SLC39A11: variants seen among roughly 807,000 people sequenced by gnomAD.
SLC39A11 encodes the protein solute carrier family 39 member 11, also known as zinc transporter ZIP11.
Under a neutral mutation model 36.1 loss-of-function variants are expected in SLC39A11, and 33 were observed. The ratio of observed to expected loss-of-function variants is 0.91; its 90% confidence interval spans 0.69 to 1.22. The LOEUF (loss-of-function observed/expected upper bound fraction) is 1.22, where lower values mean the gene tolerates loss of function less well. Among genes scored for constraint, SLC39A11 ranks in the 50% most tolerant of loss-of-function variants. The pLI is 0.00. For synonymous variants in SLC39A11, 166 were observed against 170.3 expected, an observed-to-expected ratio of 0.97 and a Z score of 0.20; for missense variants, 432 against 430.3, an observed-to-expected ratio of 1.00 and a Z score of -0.03.
intron 5 of SLC39A11, among the ~76,000 whole-genome samples, chr17:72,889,098 C>T (rs746900704): frequency 5.3e-5 from 8 of 151,958 alleles, no homozygotes; most frequent in African/African-American, 9.7e-5. Flanking sequence ...AAGGGAGGTT[C>T]GATCAATGTG....
intron 5 of SLC39A11, among the ~76,000 whole-genome samples, chr17:72,924,244 A>G (rs2083897031): frequency 6.6e-6 from 1 of 151,194 alleles, no homozygotes; most frequent in South Asian, 2.1e-4. Flanking sequence ...AAAGTCTCTA[A>G]AGGAATTAAG....
chr17:72,791,722 TC>T (rs2076711033), intron 6 of SLC39A11, among the ~76,000 whole-genome samples: 1 of 152,052 alleles, frequency 6.6e-6, no homozygotes, highest in Non-Finnish European at 1.5e-5. Context: ...ATGGAGACAG[TC>T]CCCCCATGCT....
At chr17:73,067,836 T>C (rs2144425573) in intron 3 of SLC39A11, 5 of 1,577,850 alleles carry the variant, frequency 3.2e-6, no homozygotes, top group Non-Finnish European at 4.4e-6. Context: ...TGAAAATCCA[T>C]TTAATGTAGC....
chr17:72,748,150 C>T (rs955178584), intron 6 of SLC39A11, among the ~76,000 whole-genome samples: 7 of 152,080 alleles, frequency 4.6e-5, no homozygotes, highest in African/African-American at 2.4e-5. Flanking sequence ...GGGAAAACCC[C>T]GTCTCTCCTA....
chr17:72,859,587 T>G (rs1035633169), intron 5 of SLC39A11, among the ~76,000 whole-genome samples: 2 of 150,324 alleles, frequency 1.3e-5, no homozygotes, highest in African/African-American at 4.9e-5. Flanking sequence ...TTCTATGGAG[T>G]TGAGCAAGCT....
chr17:72,663,207 T>C (rs2070555808), intron 7 of SLC39A11, among the ~76,000 whole-genome samples: 2 of 152,236 alleles, frequency 1.3e-5, no homozygotes, highest in African/African-American at 2.4e-5. Flanking sequence ...TAATTCTCCT[T>C]AACATATTTG....
Position 72,648,935 on chromosome 17 carries a change from TCCA to T in SLC39A11, c.794_796del (p.Val265del). On this transcript the variant is annotated inframe_deletion, in exon 9 of 10. Coordinates refer to ENST00000255559, the MANE Select transcript of SLC39A11 (RefSeq NM_139177.4). ...GGCACCAAAGACCCCGGCCAGGGGC[TCCA>T]CCATGCCGCTCAGCTGCCCATACCT... 1 of 1,613,566 alleles carries T rather than the reference TCCA, an allele frequency of 6.2e-7. No individual in the cohort carries two copies. Among genetic ancestry groups the T allele is most frequent in the Non-Finnish European group, 8.5e-7 (1 of 1,179,746 alleles).
chr17:72,650,554 GA>G (rs1207658213), intron 7 of SLC39A11, among the ~76,000 whole-genome samples: 2 of 152,210 alleles, frequency 1.3e-5, no homozygotes, highest in Non-Finnish European at 2.9e-5. Context: ...TTTTGCACGT[GA>G]GACTCTACCT....
intron 6 of SLC39A11, among the ~76,000 whole-genome samples, chr17:72,766,177 TG>T (rs1303664640): frequency 2.0e-5 from 3 of 151,888 alleles, no homozygotes; most frequent in Non-Finnish European, 4.4e-5. Flanking sequence ...CCCCACAAGG[TG>T]GAGGTGAGGA....
At chr17:72,915,881 T>C (rs2083300917) in intron 5 of SLC39A11, among the ~76,000 whole-genome samples, 1 of 152,212 alleles carries the variant, frequency 6.6e-6, no homozygotes, top group African/African-American at 2.4e-5. Context: ...ACCTTCGCTT[T>C]CTTTTCATGT....
rs559621696 is a variant in SLC39A11, at chr17:72,902,805, C to G, written c.430+44947G>C. Among the ~76,000 whole-genome samples the G allele has an allele frequency of 1.2e-4, 18 of 152,258 alleles. No homozygotes were observed. In the East Asian group the frequency reaches 3.5e-3, roughly 29 times the overall value. ...CTGGTTTCTTCCAGTGGGTACCCCT[C>G]TGCCCAGGAGGAACACTCAGTCCCA... On this transcript the variant is annotated intron_variant, in intron 5 of 9. Transcript: ENST00000255559.
chr17:72,648,330 TAAAAAAA>T (rs10715471), intron 9 of SLC39A11, among the ~76,000 whole-genome samples: 3 of 126,080 alleles, frequency 2.4e-5, no homozygotes, highest in African/African-American at 6.1e-5. Context: ...ACTCTGCCAT[TAAAAAAA>T]AAAAAAAAAA....
rs139970010 is a variant in SLC39A11 at position 72,978,055 on chromosome 17, G to A, written c.307-30180C>T. ...CATTGGATTCCTAGCCAGGGTGGTC[G>A]TTGAGAATCTTCCAGGCCGTCCTCC... On this transcript the variant is annotated intron_variant, in intron 4 of 9. Coordinates refer to ENST00000255559, the MANE Select transcript of SLC39A11 (RefSeq NM_139177.4). Among the ~76,000 whole-genome samples, 346 of 152,362 alleles carry A rather than the reference G, an allele frequency of 2.3e-3. 1 individual carries two copies. Among genetic ancestry groups the A allele is most frequent in the Non-Finnish European group, 3.4e-3 (232 of 68,036 alleles).
intron 6 of SLC39A11, among the ~76,000 whole-genome samples, chr17:72,741,407 T>C (rs140739270): frequency 1.8e-3 from 277 of 152,324 alleles, no homozygotes; most frequent in African/African-American, 6.6e-3. Flanking sequence ...TCTGTGTTTG[T>C]GGGTATAATT....
chr17:72,762,314 C>T (rs1044121323), intron 6 of SLC39A11, among the ~76,000 whole-genome samples: 2 of 152,208 alleles, frequency 1.3e-5, no homozygotes, highest in Non-Finnish European at 2.9e-5. Flanking sequence ...GACCTTTGGT[C>T]GTCCTCACTG....
At chr17:72,811,266 C>T (rs1197492952) in intron 6 of SLC39A11, among the ~76,000 whole-genome samples, 1 of 152,072 alleles carries the variant, frequency 6.6e-6, no homozygotes, top group Non-Finnish European at 1.5e-5. Flanking sequence ...TAGAAAGGGT[C>T]AGGCAACTCT....
intron 4 of SLC39A11, among the ~76,000 whole-genome samples, chr17:73,025,639 T>C (rs962732987): frequency 1.7e-4 from 26 of 152,162 alleles, no homozygotes; most frequent in African/African-American, 6.0e-4. Flanking sequence ...TGTAAAAATG[T>C]ATGCTTGCAC....
At chr17:73,051,510 A>T (rs139556021) in intron 3 of SLC39A11, among the ~76,000 whole-genome samples, 194 of 151,634 alleles carry the variant, frequency 1.3e-3, no homozygotes, top group African/African-American at 4.5e-3. Context: ...GAAGAGACAC[A>T]GTGAAGGAGG....
intron 5 of SLC39A11, among the ~76,000 whole-genome samples, chr17:72,871,469 T>C (rs1026827924): frequency 6.6e-6 from 1 of 152,056 alleles, no homozygotes; most frequent in Non-Finnish European, 1.5e-5. Flanking sequence ...ATCATGAGAT[T>C]AGAGAGTTGA....
Sources: gnomAD v4.1 joint callset for allele counts (sites outside exome capture counted in the v4.1 genomes callset) on GRCh38, gnomAD v4.1.1 for gene constraint, MANE v1.5 for transcripts, NCBI Gene and HGNC (gene_info 2026-07-23, HGNC 2026-07-21) for gene names.